The following ARHGAP39 variants were observed in gnomAD, a reference collection of about 807,000 sequenced individuals.
ARHGAP39 encodes rho GTPase-activating protein 39.
A neutral mutation model predicts 106.9 loss-of-function variants in ARHGAP39; 44 were observed. The ratio of observed to expected loss-of-function variants is 0.41; its 90% CI spans 0.32 to 0.53. The LOEUF (loss-of-function observed/expected upper bound fraction) is 0.53. Ranked by LOEUF, ARHGAP39 falls within the 20% of genes least tolerant of loss-of-function variation. ARHGAP39 has a pLI of 0.21. For missense variants in ARHGAP39, 1,496 were observed against 1,577.3 expected (o/e 0.95, Z 0.87); for synonymous variants, 768 against 693.2 (o/e 1.11, Z -1.69).
intron 1 of ARHGAP39, among the ~76,000 whole-genome samples, chr8:144,673,101 C>T (rs1294973540): frequency 6.6e-6 from 1 of 152,072 alleles, no homozygotes; most frequent in African/African-American, 2.4e-5. Context: ...CCTATTGTTC[C>T]AGCTACTTGG....
chr8:144,547,525 G>C lies in ARHGAP39; in HGVS notation c.1561C>G (p.Pro521Ala), dbSNP rs888102955. 2.3e-5 allele frequency: 34 copies of C among 1,484,752 alleles called. No individual in the cohort carries two copies. Among genetic ancestry groups the C allele is most frequent in the Non-Finnish European group, 2.9e-5 (33 of 1,121,164 alleles). The allele number at this position is 1,484,752 out of a possible 1,614,324, so 92.0% of individuals were successfully genotyped here. The change falls in exon 5 of 12, where the codon CCC (proline) becomes GCC (alanine). Residue 521 changes from proline to alanine, a missense_variant. By Grantham distance (27) the Pro-to-Ala change is conservative. This residue lies in a region of ARHGAP39 where 905 missense variants were observed against 816.4 expected (regional missense o/e 1.11). Coordinates refer to ENST00000377307, the MANE Select transcript of ARHGAP39 (RefSeq NM_025251.3). This position sits in a 1 kb window ranked among gnomAD's most constrained non-coding sequence, Gnocchi z 5.2. ...CACGGGGGCTGTTCCTCGGCCAGGGGCTGCTCCACAAGCAGGTCCCCGGGG... is the reference window on the plus strand; with the variant it reads ...CACGGGGGCTGTTCCTCGGCCAGGGCCTGCTCCACAAGCAGGTCCCCGGGG... ...EGPGDLLVEQ[P>A]LAEEQPPCGT... is the part of the protein sequence containing the mutation.
At chr8:144,537,603 G>C in intron 7 of ARHGAP39, 118 bp downstream of exon 7, 1 of 907,112 alleles carries the variant, frequency 1.1e-6, no homozygotes, top group South Asian at 1.6e-5. Context: ...CAGGCCTGAG[G>C]TTAGTGGCCC....
At position 144,581,213 on chromosome 8, in the gene ARHGAP39, C is replaced by T. The variant is rs1192978259; in HGVS notation, c.145G>A (p.Gly49Ser). ...GCCGGCGGGTCCCACACGCACTCAC[C>T]GGTGACCAGGTTGGCGTACATGCGC... ...RERMYANLVT[G>S]ECVWDPPAGV... The change falls in exon 3 of 12, where the codon GGT becomes AGT. Residue 49 changes from glycine to serine, a missense_variant. Gly to Ser is a moderately conservative substitution (Grantham distance 56). This residue lies in a region of ARHGAP39 where 96 missense variants were observed against 107.9 expected (regional missense o/e 0.89). Transcript: ENST00000377307. 3.2e-6 allele frequency: 5 copies of T among 1,556,464 alleles called. No individual in the cohort carries two copies. Among genetic ancestry groups the T allele is most frequent in the African/African-American group, 1.4e-5 (1 of 73,680 alleles).
At chr8:144,606,849 G>C (rs1373949560) in intron 1 of ARHGAP39, among the ~76,000 whole-genome samples, 1 of 152,108 alleles carries the variant, frequency 6.6e-6, no homozygotes, top group East Asian at 1.9e-4. Flanking sequence ...AAGGCTTTTG[G>C]AAAGAAATGT....
intron 1 of ARHGAP39, among the ~76,000 whole-genome samples, chr8:144,643,968 G>T (rs1218894458): frequency 6.6e-6 from 1 of 152,192 alleles, no homozygotes; most frequent in African/African-American, 2.4e-5. Context: ...CAAGAATGTG[G>T]AGAAACAAGA....
At chr8:144,610,961 C>G (rs144963739) in intron 1 of ARHGAP39, among the ~76,000 whole-genome samples, 4,654 of 152,064 alleles carry the variant, frequency 0.031, 238 homozygotes, top group African/African-American at 0.11. Flanking sequence ...GGATTACAGG[C>G]ATATGCCACC....
rs1028576308 is a variant in ARHGAP39 at position 144,581,289 on chromosome 8, C to T, written c.81-12G>A. 3.3e-5 allele frequency: 51 copies of T among 1,533,898 alleles called. No homozygotes were observed. The highest frequency in any genetic ancestry group is 4.4e-5 in the Non-Finnish European group (50 of 1,137,302). ...CCACCCACTCCAACCTGGGGAGAGA[C>T]AGGGTTAAGGCGGCTGGAGCCACGG... On this transcript the variant is annotated splice_polypyrimidine_tract_variant and intron_variant, in intron 2 of 11. Coordinates refer to ENST00000377307, the MANE Select transcript of ARHGAP39 (RefSeq NM_025251.3).
At position 144,547,528 on chromosome 8, in the gene ARHGAP39, G is replaced by T; in HGVS notation, c.1558C>A (p.Gln520Lys). 1 of 1,481,754 alleles carries T rather than the reference G, an allele frequency of 6.7e-7. No homozygotes were observed. Among genetic ancestry groups the T allele is most frequent in the Non-Finnish European group, 8.9e-7 (1 of 1,119,662 alleles). 91.8% of individuals were successfully genotyped at this position (1,481,754 alleles called of 1,614,324 possible). A position where few individuals can be genotyped will look rare whatever the true frequency, so the allele number is the denominator to read the frequency against. ...TEGPGDLLVE[Q>K]PLAEEQPPCG... ...GGGGGCTGTTCCTCGGCCAGGGGCT[G>T]CTCCACAAGCAGGTCCCCGGGGCCC... The change falls in exon 5 of 12, where the codon CAG (glutamine) becomes AAG (lysine). Residue 520 changes from glutamine (Q) to lysine (K), a missense_variant. Gln to Lys is a moderately conservative substitution (Grantham distance 53). Around this residue, in one of 4 missense-constraint regions of ARHGAP39, gnomAD observed 905 missense variants for 816.4 expected, o/e 1.11. Transcript: ENST00000377307. The surrounding 1 kb of genome is among the most constrained non-coding windows in gnomAD (Gnocchi z 5.2).
intron 10 of ARHGAP39, among the ~76,000 whole-genome samples, chr8:144,531,221 A>AGGCCTC: frequency 1.5e-5 from 2 of 132,550 alleles, no homozygotes; most frequent in African/African-American, 6.4e-5. Context: ...GGCTAGACAT[A>AGGCCTC]GCAGGCACGG....
chr8:144,579,446 C>T (rs908917612), intron 3 of ARHGAP39, among the ~76,000 whole-genome samples: 1 of 152,120 alleles, frequency 6.6e-6, no homozygotes, highest in Non-Finnish European at 1.5e-5. Context: ...CGCTCGCTCA[C>T]CCACGCCACG....
At chr8:144,603,874 C>G (rs147777765) in intron 2 of ARHGAP39, among the ~76,000 whole-genome samples, 3 of 152,104 alleles carry the variant, frequency 2.0e-5, no homozygotes, top group Middle Eastern at 3.4e-3. Flanking sequence ...CTAGCACTTG[C>G]AGGAATGAGG....
intron 3 of ARHGAP39, among the ~76,000 whole-genome samples, chr8:144,575,356 CTT>C (rs1374164472): frequency 6.6e-6 from 1 of 152,180 alleles, no homozygotes; most frequent in Admixed American, 6.5e-5. Context: ...TTTCTTTAAA[CTT>C]TTTGAGTCTT....
intron 10 of ARHGAP39, 107 bp downstream of exon 10, chr8:144,532,198 A>T: frequency 1.1e-6 from 1 of 899,492 alleles, no homozygotes. Flanking sequence ...GGAAGCCATC[A>T]CATCACTGGG....
In ARHGAP39 at chr8:144,581,315, C is replaced by A. The variant is rs1390736199; in HGVS notation, c.81-38G>T. 9 of 1,506,104 alleles carry A rather than the reference C, an allele frequency of 6.0e-6. No individual in the cohort carries two copies. In the African/African-American group the frequency reaches 8.3e-5, roughly 14 times the overall value. The allele number at this position is 1,506,104 out of a possible 1,614,324, so 93.3% of individuals were successfully genotyped here. On this transcript the variant is annotated intron_variant, in intron 2 of 11. Transcript: ENST00000377307. ...AGGGTTAAGGCGGCTGGAGCCACGG[C>A]GGCCTGGGCCCGCGCCTCCCACCCC...
chr8:144,654,568 T>C (rs562684381), intron 1 of ARHGAP39, among the ~76,000 whole-genome samples: 1 of 152,176 alleles, frequency 6.6e-6, no homozygotes, highest in Non-Finnish European at 1.5e-5. Flanking sequence ...GGCCTGCTGC[T>C]GCCATCACGC....
intron 3 of ARHGAP39, among the ~76,000 whole-genome samples, chr8:144,556,056 C>T (rs552372398): frequency 5.9e-4 from 90 of 152,282 alleles, no homozygotes; most frequent in African/African-American, 2.1e-3. Flanking sequence ...GAGGCTGAGG[C>T]GGGCGGATCA....
chr8:144,623,185 G>T (rs1359945737), intron 1 of ARHGAP39, among the ~76,000 whole-genome samples: 2 of 152,134 alleles, frequency 1.3e-5, no homozygotes, highest in South Asian at 2.1e-4. Context: ...GAACATCCGA[G>T]GCAACCACTA....
At position 144,591,324 on chromosome 8, in the gene ARHGAP39, C is replaced by T. The variant is rs558863865; in HGVS notation, c.81-10047G>A. On this transcript the variant is annotated intron_variant, in intron 2 of 11. Coordinates refer to ENST00000377307, the MANE Select transcript of ARHGAP39 (RefSeq NM_025251.3). This position sits in a 1 kb window ranked among gnomAD's most constrained non-coding sequence, Gnocchi z 5.3. ...ACATTGAAAAGGACAACGGCAGATG[C>T]AGCAGCCTCAGGGCACCCAAGGAAA... is the stretch of plus-strand genomic sequence containing the variant. Among the ~76,000 whole-genome samples, 853 of 152,286 alleles carry T rather than the reference C, an allele frequency of 5.6e-3. 5 individuals are homozygous for T. The highest frequency in any genetic ancestry group is 5.6e-3 in the Non-Finnish European group (380 of 68,012).
At chr8:144,615,300 A>G (rs1050168202) in intron 1 of ARHGAP39, among the ~76,000 whole-genome samples, 2 of 152,194 alleles carry the variant, frequency 1.3e-5, no homozygotes, top group Non-Finnish European at 2.9e-5. Context: ...AGCCTGGGCA[A>G]CAAAGTGAGA....
Sources: gnomAD v4.1 joint callset for allele counts (sites outside exome capture counted in the v4.1 genomes callset) on GRCh38, gnomAD v4.1.1 for gene constraint, gnomAD v4.1.1 regional missense constraint, Gnocchi (gnomAD v3.1) non-coding constraint, MANE v1.5 for transcripts, NCBI Gene and HGNC (gene_info 2026-07-23, HGNC 2026-07-21) for gene names.